ANKRD45: variants seen among roughly 807,000 people sequenced by gnomAD.
ANKRD45 encodes ankyrin repeat domain-containing protein 45.
Under a neutral mutation model 28.1 loss-of-function variants are expected in ANKRD45, and 21 were observed. That is an observed-to-expected ratio of 0.75 (90% CI 0.53 to 1.08). The LOEUF (loss-of-function observed/expected upper bound fraction) is 1.08. ANKRD45 is among the 50% of genes least tolerant of loss of function. The pLI is 0.00. For synonymous variants in ANKRD45, 86 were observed against 103.9 expected, an observed-to-expected ratio of 0.83 and a Z score of 1.05; for missense variants, 261 against 308.7, an observed-to-expected ratio of 0.85 and a Z score of 1.16.
chr1:173,646,832 G>A lies in ANKRD45; in HGVS notation c.496+14C>T, dbSNP rs762498812. 1.2e-6 allele frequency: 2 copies of A among 1,611,522 alleles called. No homozygotes were observed. Among genetic ancestry groups the A allele is most frequent in the South Asian group, 2.2e-5 (2 of 90,734 alleles). On this transcript the variant is annotated intron_variant, in intron 3 of 5. Transcript: ENST00000333279. ...ACATCAGTCAGTTTGCTAACCCCTT[G>A]TGAGCTTCCTTACCTGCCCAGTCCA...
the ANKRD45 span, among the ~76,000 whole-genome samples, chr1:173,692,819 T>G: frequency 1.1e-4 from 16 of 152,300 alleles, no homozygotes; most frequent in Middle Eastern, 0.01. Context: ...CCTGAGCTCT[T>G]TCTCTCAGGT....
chr1:173,633,736 G>T (rs1668294021), intron 3 of ANKRD45, among the ~76,000 whole-genome samples: 1 of 151,838 alleles, frequency 6.6e-6, no homozygotes, highest in African/African-American at 2.4e-5. Flanking sequence ...CATACATTGG[G>T]GAAAGGACAG....
At chr1:173,635,431 G>A in intron 3 of ANKRD45, 2 of 976,714 alleles carry the variant, frequency 2.0e-6, no homozygotes, top group Non-Finnish European at 1.5e-6. Context: ...CCTTCGTAGG[G>A]AATTTAGTTA....
At chr1:173,612,737 C>G (rs372449356) in intron 5 of ANKRD45, 6 of 158,108 alleles carry the variant, frequency 3.8e-5, no homozygotes, top group African/African-American at 1.4e-4. Flanking sequence ...ATTGCAGGCG[C>G]GCGCCGCCAC....
chr1:173,625,651 G>A (rs1446174716), intron 4 of ANKRD45, among the ~76,000 whole-genome samples: 3 of 152,004 alleles, frequency 2.0e-5, no homozygotes, highest in Non-Finnish European at 2.9e-5. Flanking sequence ...GTAGAAGCAG[G>A]TAGACTTAGA....
upstream of ANKRD45, among the ~76,000 whole-genome samples, chr1:173,670,250 A>C (rs761101287): frequency 7.9e-5 from 12 of 152,132 alleles, no homozygotes; most frequent in Non-Finnish European, 1.5e-4. Flanking sequence ...GCGACCTCAC[A>C]AGTGCCAACT....
chr1:173,628,653 T>C (rs1405778834), intron 3 of ANKRD45, among the ~76,000 whole-genome samples: 1 of 152,300 alleles, frequency 6.6e-6, no homozygotes, highest in Admixed American at 6.5e-5. Context: ...GGTTCTTGAC[T>C]CCAGGACTTG....
intron 5 of ANKRD45, among the ~76,000 whole-genome samples, chr1:173,610,695 T>G (rs1667105929): frequency 6.6e-6 from 1 of 151,758 alleles, no homozygotes; most frequent in South Asian, 2.1e-4. Context: ...TAACCGTATA[T>G]CCAATAGTCC....
the ANKRD45 span, among the ~76,000 whole-genome samples, chr1:173,691,149 C>T: frequency 2.0e-5 from 3 of 152,320 alleles, no homozygotes; most frequent in Admixed American, 2.0e-4. Context: ...TTTACTGGCT[C>T]CCACGGCTTC....
intron 2 of ANKRD45, among the ~76,000 whole-genome samples, chr1:173,652,818 G>A (rs1669297673): frequency 6.6e-6 from 1 of 152,134 alleles, no homozygotes; most frequent in Non-Finnish European, 1.5e-5. Flanking sequence ...TCCTGGTTTA[G>A]TCTTGGGAGG....
Position 173,609,577 on chromosome 1 carries a change from C to T in ANKRD45, c.*568G>A, listed in dbSNP as rs1301790417. 6.6e-6 allele frequency: 1 copy of T among 152,378 alleles called. No individual in the cohort carries two copies. Among genetic ancestry groups the T allele is most frequent in the Non-Finnish European group, 1.5e-5 (1 of 68,266 alleles). 9.4% of individuals were successfully genotyped at this position (152,378 alleles called of 1,614,324 possible). On this transcript the variant is annotated 3_prime_UTR_variant, in exon 6 of 6. Transcript: ENST00000333279. Reference sequence around the variant, plus strand: ...GAACTCTTCTAAGTATAAAACTATACAGATTTGTGTTTATTAATTTACAGA... The same window carrying T: ...GAACTCTTCTAAGTATAAAACTATATAGATTTGTGTTTATTAATTTACAGA...
At chr1:173,673,705 G>A (rs1213537790), upstream of ANKRD45, among the ~76,000 whole-genome samples, 1 of 152,056 alleles carries the variant, frequency 6.6e-6, no homozygotes, top group African/African-American at 2.4e-5. Flanking sequence ...GGCCAAACCA[G>A]GATTTGTACC....
At chr1:173,699,771 C>T in the ANKRD45 span, among the ~76,000 whole-genome samples, 10 of 152,048 alleles carry the variant, frequency 6.6e-5, no homozygotes, top group East Asian at 1.9e-4. Flanking sequence ...AAGACAGGGA[C>T]GCCCTCTCTC....
chr1:173,660,732 C>T (rs1669738148), intron 1 of ANKRD45, among the ~76,000 whole-genome samples: 1 of 152,216 alleles, frequency 6.6e-6, no homozygotes, highest in South Asian at 2.1e-4. Flanking sequence ...AATCAAAGCT[C>T]TTAATCCAAT....
chr1:173,649,229 A>C (rs1669069377), intron 2 of ANKRD45, among the ~76,000 whole-genome samples: 1 of 152,160 alleles, frequency 6.6e-6, no homozygotes, highest in African/African-American at 2.4e-5. Flanking sequence ...TTTCCCAAAG[A>C]CATATATCTA....
chr1:173,653,922 C>CTTTT (rs1185149394), intron 2 of ANKRD45, among the ~76,000 whole-genome samples: 4 of 100,328 alleles, frequency 4.0e-5, no homozygotes, highest in East Asian at 2.8e-4. Flanking sequence ...GCAACCCTTG[C>CTTTT]TTTTTTTTTT....
intron 5 of ANKRD45, among the ~76,000 whole-genome samples, chr1:173,619,865 T>C (rs184868508): frequency 4.3e-4 from 64 of 149,984 alleles, no homozygotes; most frequent in African/African-American, 1.5e-3. Context: ...AGAAGGGCAT[T>C]ACATAACAAT....
the ANKRD45 span, among the ~76,000 whole-genome samples, chr1:173,688,338 T>TCTCTCTGACTCCCTC: frequency 1.9e-5 from 2 of 103,320 alleles, no homozygotes; most frequent in Non-Finnish European, 4.7e-5. Flanking sequence ...GACTCCCTCT[T>TCTCTCTGACTCCCTC]TCTCTCTCTG....
rs187497496 is a variant in ANKRD45 at position 173,617,931 on chromosome 1, G to A, written c.730+6856C>T. ...ACAAAGCTCCCAAAGAAAAGAGCAG[G>A]TTGTTGTCCTTGCTGTTTCACAGGC... On this transcript the variant is annotated intron_variant, in intron 5 of 5. Coordinates refer to ENST00000333279, the MANE Select transcript of ANKRD45 (RefSeq NM_198493.3). Among the ~76,000 whole-genome samples the A allele has an allele frequency of 6.6e-5, 10 of 152,296 alleles. No homozygotes were observed. The East Asian group carries it at 9.7e-4, about 15-fold the overall frequency.
Sources: gnomAD v4.1 joint callset for allele counts (sites outside exome capture counted in the v4.1 genomes callset) on GRCh38, gnomAD v4.1.1 for gene constraint, MANE v1.5 for transcripts, NCBI Gene and HGNC (gene_info 2026-07-23, HGNC 2026-07-21) for gene names.